IGSF11: variants seen among roughly 807,000 people sequenced by gnomAD.
IGSF11 encodes the protein immunoglobulin superfamily member 11, also known as CXADR like 1.
A neutral mutation model predicts 41.0 loss-of-function variants in IGSF11; 22 were observed. The observed-to-expected ratio is 0.54, with a 90% CI of 0.38 to 0.77. IGSF11 has a LOEUF of 0.77. Among genes scored for constraint, IGSF11 ranks in the 30% least tolerant of loss-of-function variants. IGSF11 has a pLI of 0.00. For synonymous variants in IGSF11, 219 were observed against 201.3 expected (o/e 1.09, Z -0.74); for missense variants, 444 against 530.8 (o/e 0.84, Z 1.61).
chr3:118,915,220 C>A (rs1037569866), intron 4 of IGSF11, among the ~76,000 whole-genome samples: 4 of 138,830 alleles, frequency 2.9e-5, no homozygotes, highest in African/African-American at 6.0e-5. Context: ...CAAAGGAACA[C>A]AGTTCCTCAC....
intron 1 of IGSF11, among the ~76,000 whole-genome samples, chr3:118,962,381 T>A (rs1286366627): frequency 1.3e-5 from 2 of 152,180 alleles, no homozygotes; most frequent in African/African-American, 4.8e-5. Flanking sequence ...AATAAAAAAA[T>A]TTTCTGCCAT....
At chr3:118,993,648 TC>T (rs1416349592) in intron 1 of IGSF11, among the ~76,000 whole-genome samples, 1 of 152,112 alleles carries the variant, frequency 6.6e-6, no homozygotes, top group African/African-American at 2.4e-5. Context: ...AAGTTATATA[TC>T]CATACATGTA....
At chr3:118,930,334 T>G in intron 1 of IGSF11, 59 bp from the exon 2 acceptor site, 2 of 1,494,266 alleles carry the variant, frequency 1.3e-6, no homozygotes, top group Non-Finnish European at 1.8e-6. Context: ...TCCAAACTCC[T>G]TCAGGAAGGT....
At chr3:118,977,070 C>T (rs888932247) in intron 1 of IGSF11, among the ~76,000 whole-genome samples, 1 of 152,172 alleles carries the variant, frequency 6.6e-6, no homozygotes, top group African/African-American at 2.4e-5. Context: ...GGACAGTGAT[C>T]ATTTATCCCA....
At chr3:118,983,850 T>G (rs1305523907) in intron 1 of IGSF11, among the ~76,000 whole-genome samples, 1 of 152,228 alleles carries the variant, frequency 6.6e-6, no homozygotes, top group Non-Finnish European at 1.5e-5. Flanking sequence ...TAATTATTTT[T>G]ATTTTTTTCT....
chr3:118,911,122 C>CACACA (rs1940221917), intron 4 of IGSF11, among the ~76,000 whole-genome samples: 1 of 151,308 alleles, frequency 6.6e-6, no homozygotes, highest in Admixed American at 6.6e-5. Flanking sequence ...TGTGTGTGTG[C>CACACA]ACACACACAC....
chr3:118,937,594 C>T (rs928018865), intron 1 of IGSF11, among the ~76,000 whole-genome samples: 1 of 152,138 alleles, frequency 6.6e-6, no homozygotes, highest in Non-Finnish European at 1.5e-5. Flanking sequence ...TAATAGCTGA[C>T]TAATTTATCA....
chr3:119,077,863 G>A (rs747112089), intron 1 of IGSF11, among the ~76,000 whole-genome samples: 6 of 152,118 alleles, frequency 3.9e-5, no homozygotes, highest in Non-Finnish European at 7.4e-5. Context: ...ACAAAAATCA[G>A]TAGCATTTCT....
intron 1 of IGSF11, among the ~76,000 whole-genome samples, chr3:119,030,061 C>T (rs764589311): frequency 1.3e-5 from 2 of 152,140 alleles, no homozygotes; most frequent in African/African-American, 2.4e-5. Context: ...TTTCTGAACT[C>T]GGTCCTTCTA....
intron 1 of IGSF11, among the ~76,000 whole-genome samples, chr3:118,980,824 T>A (rs1227401399): frequency 6.6e-6 from 1 of 152,240 alleles, no homozygotes; most frequent in Non-Finnish European, 1.5e-5. Context: ...ATCCAAAAAA[T>A]TTTTAAATAT....
chr3:118,933,776 C>G (rs931055703), intron 1 of IGSF11, among the ~76,000 whole-genome samples: 3 of 152,080 alleles, frequency 2.0e-5, no homozygotes, highest in Admixed American at 6.5e-5. Context: ...AACTTTAAAA[C>G]TAGAATGGAC....
chr3:119,030,777 G>A (rs1940320783), intron 1 of IGSF11, among the ~76,000 whole-genome samples: 1 of 152,172 alleles, frequency 6.6e-6, no homozygotes, highest in Non-Finnish European at 1.5e-5. Flanking sequence ...GGGATGAGAT[G>A]TGTTAGTGCC....
At chr3:119,037,647 G>C (rs1434939445), upstream of IGSF11, among the ~76,000 whole-genome samples, 1 of 152,200 alleles carries the variant, frequency 6.6e-6, no homozygotes, top group Non-Finnish European at 1.5e-5. Flanking sequence ...GTGAAAATAA[G>C]TCAACTGCTA....
intron 4 of IGSF11, among the ~76,000 whole-genome samples, chr3:118,924,016 G>T (rs1208480628): frequency 6.6e-6 from 1 of 151,946 alleles, no homozygotes; most frequent in Non-Finnish European, 1.5e-5. Context: ...TCAAACTTTT[G>T]CTGTTTTCAC....
chr3:119,016,563 A>G (rs901728598), intron 1 of IGSF11, among the ~76,000 whole-genome samples: 1 of 152,236 alleles, frequency 6.6e-6, no homozygotes, highest in African/African-American at 2.4e-5. Flanking sequence ...TTATATGCAT[A>G]ACAGAGCTTC....
intron 1 of IGSF11, among the ~76,000 whole-genome samples, chr3:119,096,257 T>C (rs900865214): frequency 1.3e-5 from 2 of 152,004 alleles, no homozygotes; most frequent in African/African-American, 4.8e-5. Context: ...GTCTACCCCT[T>C]ATGGCCCAGG....
chr3:119,130,720 C>A (rs574038085), intron 1 of IGSF11, among the ~76,000 whole-genome samples: 10 of 152,310 alleles, frequency 6.6e-5, no homozygotes, highest in Admixed American at 1.3e-4. Context: ...TCCAGACAGA[C>A]TGCCTCCTGA....
chr3:119,048,224 G>A lies in IGSF11; in HGVS notation c.49+56920C>T, dbSNP rs552527217. ...GAATCCAGGAGCTGGTTTTTTGAAA[G>A]GATCAACAAAATTGATAGACCGCTA... On this transcript the variant is annotated intron_variant, in intron 1 of 6. Transcript: ENST00000354673. Among the ~76,000 whole-genome samples, 10 of 152,052 alleles carry A rather than the reference G, an allele frequency of 6.6e-5. No individual in the cohort carries two copies. In the South Asian group the frequency reaches 1.7e-3, roughly 25 times the overall value.
chr3:119,121,543 A>G (rs553931369), intron 1 of IGSF11, among the ~76,000 whole-genome samples: 16 of 152,278 alleles, frequency 1.1e-4, no homozygotes, highest in African/African-American at 3.6e-4. Context: ...AAGAGAATGA[A>G]AAGAAGGGGA....
Sources: allele counts gnomAD v4.1 joint callset (sites outside exome capture counted in the v4.1 genomes callset), GRCh38; gene constraint gnomAD v4.1.1; transcripts MANE v1.5; gene names NCBI Gene and HGNC (gene_info 2026-07-23, HGNC 2026-07-21).